Variants in MALRD1 observed in about 807,000 individuals in gnomAD.
The protein encoded by MALRD1 is MAM and LDL-receptor class A domain-containing protein 1.
A neutral mutation model predicts 242.1 loss-of-function variants in MALRD1; 247 were observed. That is an observed-to-expected ratio of 1.02 (90% confidence interval 0.92 to 1.13). The LOEUF is 1.13. MALRD1 is among the 50% of genes most tolerant of loss of function. MALRD1 has a pLI of 0.00. For synonymous variants in MALRD1, 995 were observed against 866.6 expected (o/e 1.15, Z -2.60); for missense variants, 2,989 against 2,533.1 (o/e 1.18, Z -3.86).
Position 19,607,862 on chromosome 10 carries a change from C to T in MALRD1, c.6030C>T (p.Ala2010=), listed in dbSNP as rs76631473. ...CCCACCAGCGCTGTGATGGTTTTGCCGACTGCATGGATTTCCAGCTTGATG... is the reference window on the plus strand; with the variant it reads ...CCCACCAGCGCTGTGATGGTTTTGCTGACTGCATGGATTTCCAGCTTGATG... ...IPAHQRCDGF[A]DCMDFQLDES... is the part of the protein sequence containing the mutation. The change falls in exon 35 of 40, where the codon GCC becomes GCT. Residue 2010 remains alanine (A), a synonymous_variant. Transcript: ENST00000454679. 4.6e-4 allele frequency: 713 copies of T among 1,549,560 alleles called. 7 individuals carry two copies. The East Asian group carries it at 0.015, about 32-fold the overall frequency.
At chr10:19,314,207 C>G (rs754098643) in intron 21 of MALRD1, among the ~76,000 whole-genome samples, 1 of 151,460 alleles carries the variant, frequency 6.6e-6, no homozygotes, top group African/African-American at 2.4e-5. Flanking sequence ...TACTGGGCAT[C>G]CAGCTATGTA....
At chr10:19,467,542 C>T (rs1295692757) in intron 29 of MALRD1, among the ~76,000 whole-genome samples, 1 of 151,714 alleles carries the variant, frequency 6.6e-6, no homozygotes, top group African/African-American at 2.4e-5. Flanking sequence ...ATTTGAGATA[C>T]CAGGGGTTGG....
At chr10:19,208,854 G>C in intron 17 of MALRD1, among the ~76,000 whole-genome samples, 1 of 152,112 alleles carries the variant, frequency 6.6e-6, no homozygotes, top group East Asian at 1.9e-4. Flanking sequence ...GATGAATTCT[G>C]GGCTTCAGTG....
chr10:19,666,629 A>T (rs928436458), intron 36 of MALRD1, among the ~76,000 whole-genome samples: 3 of 152,156 alleles, frequency 2.0e-5, no homozygotes, highest in Non-Finnish European at 4.4e-5. Context: ...TTCTCCCTGA[A>T]TCATGTTTAT....
chr10:19,532,549 C>A (rs1335839915), intron 32 of MALRD1, among the ~76,000 whole-genome samples: 1 of 152,082 alleles, frequency 6.6e-6, no homozygotes, highest in Non-Finnish European at 1.5e-5. Context: ...CCACCATGCC[C>A]CCCTTCTCAA....
intron 21 of MALRD1, among the ~76,000 whole-genome samples, chr10:19,283,774 A>C (rs1040226218): frequency 6.6e-6 from 1 of 152,188 alleles, no homozygotes; most frequent in South Asian, 2.1e-4. Context: ...TCTGTTCTCA[A>C]CTTTCTCAAC....
At chr10:19,628,645 T>C (rs1397874763) in intron 36 of MALRD1, among the ~76,000 whole-genome samples, 1 of 152,088 alleles carries the variant, frequency 6.6e-6, no homozygotes, top group Admixed American at 6.6e-5. Flanking sequence ...AAGATTGGCT[T>C]GGGGGAAAGA....
intron 31 of MALRD1, among the ~76,000 whole-genome samples, chr10:19,521,512 A>G (rs922066456): frequency 3.9e-5 from 6 of 152,052 alleles, no homozygotes; most frequent in Non-Finnish European, 8.8e-5. Flanking sequence ...CTCACTATCC[A>G]CACCTTCCTT....
At position 19,718,375 on chromosome 10, in the gene MALRD1, CT is replaced by C. The variant is rs139907434; in HGVS notation, c.6315-12330del. 5.7e-3 allele frequency among the ~76,000 whole-genome samples: 875 copies of C among 152,310 alleles called. 10 individuals are homozygous for C. The highest frequency in any genetic ancestry group is 0.02 in the African/African-American group (830 of 41,558). Reference sequence around the variant, plus strand: ...CTGTGGAGGAATCAGGGAGCTTTTACTAATGGCAGAAGGCAAAGCAGGAGCA... The same window carrying C: ...CTGTGGAGGAATCAGGGAGCTTTTACAATGGCAGAAGGCAAAGCAGGAGCA... On this transcript the variant is annotated intron_variant, in intron 38 of 39. Coordinates refer to ENST00000454679, the MANE Select transcript of MALRD1 (RefSeq NM_001142308.3).
chr10:19,593,534 T>C (rs185328226), intron 33 of MALRD1, among the ~76,000 whole-genome samples: 2 of 152,344 alleles, frequency 1.3e-5, no homozygotes, highest in Admixed American at 6.5e-5. Flanking sequence ...ATTCCTGTAC[T>C]GGCCTCCATT....
chr10:19,352,281 A>G lies in MALRD1; in HGVS notation c.4425A>G (p.Ala1475=), dbSNP rs1048113027. The change falls in exon 26 of 40, where the codon GCA becomes GCG. Residue 1475 remains alanine, a synonymous_variant. Coordinates refer to ENST00000454679, the MANE Select transcript of MALRD1 (RefSeq NM_001142308.3). ...ATGATTCCGTGCAAGAAGAACTGGC[A>G]GTGCCTCTTCCAACAGGTACATTCT... ...SLHDSVQEEL[A]VPLPTGFCPL... is the part of the protein sequence containing the mutation. 2.6e-6 allele frequency: 4 copies of G among 1,544,846 alleles called. No individual in the cohort carries two copies. Among genetic ancestry groups the G allele is most frequent in the Non-Finnish European group, 3.5e-6 (4 of 1,145,740 alleles).
chr10:19,282,983 A>G lies in MALRD1; in HGVS notation c.3257-36A>G, dbSNP rs1225155579. ...ATTGTACAGATAGAAACTGCCACTT[A>G]CTAGCTCACCTTTTCTTTGTTCTAC... On this transcript the variant is annotated intron_variant, in intron 20 of 39. Transcript: ENST00000454679. 3 of 1,453,568 alleles carry G rather than the reference A, an allele frequency of 2.1e-6. No individual in the cohort carries two copies. In the East Asian group the frequency reaches 7.8e-5, roughly 38 times the overall value. 90.0% of individuals were successfully genotyped at this position (1,453,568 alleles called of 1,614,324 possible). A position where few individuals can be genotyped will look rare whatever the true frequency, so the allele number is the denominator to read the frequency against.
rs1157438629 is a variant in MALRD1, at chr10:19,465,551, G to A, written c.5029+15061G>A. 3.9e-5 allele frequency among the ~76,000 whole-genome samples: 6 copies of A among 152,024 alleles called. No individual in the cohort carries two copies. In the East Asian group the frequency reaches 1.2e-3, roughly 30 times the overall value. The stretch of plus-strand genomic sequence containing the variant: ...AGTCTTTTTAAAAAATTTTTTTTGA[G>A]TCATAGTCTCACTCTGTCACCCAGG... On this transcript the variant is annotated intron_variant, in intron 29 of 39. Transcript: ENST00000454679.
rs140683044 is a variant in MALRD1, at chr10:19,066,785, A to T, written c.266A>T (p.Gln89Leu). The T allele has an allele frequency of 1.5e-5, 18 of 1,233,652 alleles. No individual in the cohort carries two copies. The East Asian group carries it at 5.7e-4, about 39-fold the overall frequency. The allele number at this position is 1,233,652 out of a possible 1,614,324, so 76.4% of individuals were successfully genotyped here. A position where few individuals can be genotyped will look rare whatever the true frequency, so the allele number is the denominator to read the frequency against. ...LCHMTQDQSL[Q>L]PSWTKRSGMI... ...CATATGACTCAAGATCAGAGTCTGC[A>T]ACCTAGTTGGACAAAGAGAAGTGGG... The change falls in exon 2 of 40, where the codon CAA becomes CTA. Residue 89 changes from glutamine (Q) to leucine (L), a missense_variant. Physicochemically the swap from Gln to Leu is moderately radical, Grantham distance 113 (BLOSUM62 -2). Coordinates refer to ENST00000454679, the MANE Select transcript of MALRD1 (RefSeq NM_001142308.3).
chr10:19,133,653 C>A (rs899929538), intron 8 of MALRD1, among the ~76,000 whole-genome samples: 1 of 152,134 alleles, frequency 6.6e-6, no homozygotes. Context: ...CAAAAAGCAG[C>A]TTTACTACAT....
Position 19,283,112 on chromosome 10 carries a change from G to T in MALRD1, c.3350G>T (p.Trp1117Leu). The T allele has an allele frequency of 6.5e-7, 1 of 1,549,558 alleles. No homozygotes were observed. The highest frequency in any genetic ancestry group is 8.7e-7 in the Non-Finnish European group (1 of 1,146,370). The change falls in exon 21 of 40, where the codon TGG becomes TTG. Residue 1117 changes from tryptophan (W) to leucine (L), a missense_variant. By Grantham distance (61) the Trp-to-Leu change is moderately conservative. Coordinates refer to ENST00000454679, the MANE Select transcript of MALRD1 (RefSeq NM_001142308.3). ...CTTCAAGATTCAAACACATTCAGGT[G>T]GGGGCTTGGGAACGGGATCAGCATT... ...HLLQDSNTFRWGLGNGISIHH... is the reference protein window; with the variant it reads ...HLLQDSNTFRLGLGNGISIHH...
intron 8 of MALRD1, among the ~76,000 whole-genome samples, chr10:19,128,907 A>T (rs2131394296): frequency 6.6e-6 from 1 of 152,172 alleles, no homozygotes; most frequent in South Asian, 2.1e-4. Context: ...CTAAAGTGTA[A>T]AGCTGGGTGA....
Position 19,531,345 on chromosome 10 carries a change from A to T in MALRD1, c.5472A>T (p.Ile1824=), listed in dbSNP as rs758510969. 1 of 1,537,018 alleles carries T rather than the reference A, an allele frequency of 6.5e-7. No homozygotes were observed. The highest frequency in any genetic ancestry group is 8.8e-7 in the Non-Finnish European group (1 of 1,138,106). The part of the protein sequence containing the change: ...FYMIDPRSMG[I]LKVYTIEESG... The stretch of plus-strand genomic sequence containing the variant: ...TGATTGATCCCAGGAGTATGGGAAT[A>T]TTAAAGGTACAAAAGGAAGCCAGAG... Residue 1824 remains isoleucine, a synonymous_variant, in exon 32 of 40, where the codon ATA becomes ATT. Coordinates refer to ENST00000454679, the MANE Select transcript of MALRD1 (RefSeq NM_001142308.3).
intron 5 of MALRD1, among the ~76,000 whole-genome samples, chr10:19,116,482 A>G (rs1307522300): frequency 6.6e-6 from 1 of 152,182 alleles, no homozygotes; most frequent in Non-Finnish European, 1.5e-5. Flanking sequence ...GAAATCCACT[A>G]CAAATAAGGA....
Sources: allele counts gnomAD v4.1 joint callset (sites outside exome capture counted in the v4.1 genomes callset), GRCh38; gene constraint gnomAD v4.1.1; transcripts MANE v1.5; gene names NCBI Gene and HGNC (gene_info 2026-07-23, HGNC 2026-07-21).